Variants in TMEM74 observed in about 807,000 individuals in gnomAD.
TMEM74 encodes the protein transmembrane protein 74.
A neutral mutation model predicts 18.1 loss-of-function variants in TMEM74; 13 were observed. That is an observed-to-expected ratio of 0.72 (90% CI 0.47 to 1.14). The LOEUF is 1.14. Ranked by LOEUF, TMEM74 falls within the 50% of genes most tolerant of loss-of-function variation. TMEM74 has a pLI of 0.00. For missense variants in TMEM74, 372 were observed against 375.9 expected, an observed-to-expected ratio of 0.99 and a Z score of 0.09; for synonymous variants, 159 against 146.6, an observed-to-expected ratio of 1.08 and a Z score of -0.61.
intron 1 of TMEM74, among the ~76,000 whole-genome samples, chr8:108,749,710 G>C (rs1188856263): frequency 6.6e-6 from 1 of 152,046 alleles, no homozygotes; most frequent in Non-Finnish European, 1.5e-5. Context: ...GTGAGAGAGG[G>C]CAATCTTGTC....
chr8:108,728,119 T>C (rs1438437446), intron 1 of TMEM74, among the ~76,000 whole-genome samples: 2 of 152,168 alleles, frequency 1.3e-5, no homozygotes, highest in East Asian at 1.9e-4. Context: ...TGGAAATAAT[T>C]AGTATAGCAG....
At chr8:108,737,762 G>A (rs1447710264) in intron 1 of TMEM74, among the ~76,000 whole-genome samples, 2 of 152,070 alleles carry the variant, frequency 1.3e-5, no homozygotes, top group Non-Finnish European at 2.9e-5. Flanking sequence ...GGAATGTTTT[G>A]AATAGCATTT....
chr8:108,730,866 T>C (rs1813687499), intron 1 of TMEM74, among the ~76,000 whole-genome samples: 1 of 152,072 alleles, frequency 6.6e-6, no homozygotes, highest in Admixed American at 6.5e-5. Flanking sequence ...CTCTTGACCT[T>C]GTGATCCGCC....
rs552323795 is a variant in TMEM74, at chr8:108,659,267, A to G, written n.120-3830T>C. On this transcript the variant is annotated intron_variant and non_coding_transcript_variant, in intron 1 of 3. Coordinates refer to the TMEM74 transcript ENST00000518838. The stretch of plus-strand genomic sequence containing the variant: ...AGATAGCCCACTAACACACACACAC[A>G]TACAGACACACATATGCACTGGACA... Among the ~76,000 whole-genome samples, 13 of 152,208 alleles carry G rather than the reference A, an allele frequency of 8.5e-5. No individual in the cohort carries two copies. The South Asian group carries it at 2.7e-3, about 32-fold the overall frequency.
intron 1 of TMEM74, among the ~76,000 whole-genome samples, chr8:108,765,587 T>G (rs1814097544): frequency 1.3e-5 from 2 of 151,712 alleles, no homozygotes; most frequent in Non-Finnish European, 2.9e-5. Context: ...TTTTGTATGT[T>G]TAGTAGAGAT....
At chr8:108,608,303 A>C (rs1319511630) in intron 3 of TMEM74, among the ~76,000 whole-genome samples, 1 of 127,138 alleles carries the variant, frequency 7.9e-6, no homozygotes, top group Non-Finnish European at 1.7e-5. Flanking sequence ...TCTGTCAAAA[A>C]AAAAAAAAAA....
At chr8:108,680,849 A>T (rs1813106423) in intron 1 of TMEM74, among the ~76,000 whole-genome samples, 1 of 152,184 alleles carries the variant, frequency 6.6e-6, no homozygotes, top group Non-Finnish European at 1.5e-5. Flanking sequence ...TGCAAAAATC[A>T]CAAGCATTCT....
At chr8:108,785,446 G>T (rs765056991) in intron 1 of TMEM74, among the ~76,000 whole-genome samples, 2 of 152,148 alleles carry the variant, frequency 1.3e-5, no homozygotes, top group Non-Finnish European at 2.9e-5. Flanking sequence ...AAGGACTCGC[G>T]CATTCCTGCA....
intron 1 of TMEM74, among the ~76,000 whole-genome samples, chr8:108,741,408 A>G (rs1208612947): frequency 6.6e-6 from 1 of 152,184 alleles, no homozygotes; most frequent in Non-Finnish European, 1.5e-5. Flanking sequence ...AAATTAATAA[A>G]CTTTATGTAC....
chr8:108,744,822 T>A (rs908591792), intron 1 of TMEM74, among the ~76,000 whole-genome samples: 1 of 152,174 alleles, frequency 6.6e-6, no homozygotes, highest in Admixed American at 6.5e-5. Flanking sequence ...TTATGAGTGA[T>A]CTGTGGAGGA....
At chr8:108,769,197 TTGTGCC>T (rs1275098626) in intron 1 of TMEM74, among the ~76,000 whole-genome samples, 1 of 150,948 alleles carries the variant, frequency 6.6e-6, no homozygotes, top group Non-Finnish European at 1.5e-5. Flanking sequence ...ATGGTGTGTG[TTGTGCC>T]TGTATTCCCA....
intron 1 of TMEM74, among the ~76,000 whole-genome samples, chr8:108,661,835 G>A (rs930999936): frequency 2.6e-5 from 4 of 152,116 alleles, no homozygotes; most frequent in African/African-American, 9.7e-5. Flanking sequence ...CGTTAGACAA[G>A]CTGGAAAGGA....
At position 108,703,637 on chromosome 8, in the gene TMEM74, C is replaced by A. The variant is rs551179581; in HGVS notation, n.120-48200G>T. ...AGATTTGCCTGTTTCATACTTATGCCTGTGGCTAGCCCTGAGGCCTTATTA... is the reference window on the plus strand; with the variant it reads ...AGATTTGCCTGTTTCATACTTATGCATGTGGCTAGCCCTGAGGCCTTATTA... On this transcript the variant is annotated intron_variant and non_coding_transcript_variant, in intron 1 of 3. Coordinates refer to the TMEM74 transcript ENST00000518838. Among the ~76,000 whole-genome samples, 44 of 152,296 alleles carry A rather than the reference C, an allele frequency of 2.9e-4. 2 individuals are homozygous for A. Among genetic ancestry groups the A allele is most frequent in the Admixed American group, 2.7e-3 (41 of 15,300 alleles).
intron 2 of TMEM74, among the ~76,000 whole-genome samples, chr8:108,646,289 C>T (rs1812717194): frequency 1.3e-5 from 2 of 152,030 alleles, no homozygotes; most frequent in Non-Finnish European, 2.9e-5. Flanking sequence ...GTTTAGGAAT[C>T]ACCTGCTTAG....
At chr8:108,679,094 T>G (rs1415045813) in intron 1 of TMEM74, among the ~76,000 whole-genome samples, 1 of 152,150 alleles carries the variant, frequency 6.6e-6, no homozygotes, top group Non-Finnish European at 1.5e-5. Context: ...TTTTTATGGC[T>G]GCATAGTATT....
intron 1 of TMEM74, among the ~76,000 whole-genome samples, chr8:108,717,388 A>G (rs1813536453): frequency 6.6e-6 from 1 of 152,180 alleles, no homozygotes. Context: ...TTTATTCAGA[A>G]AACAGTAATT....
At chr8:108,628,997 G>T (rs1812523745) in intron 2 of TMEM74, among the ~76,000 whole-genome samples, 1 of 151,628 alleles carries the variant, frequency 6.6e-6, no homozygotes, top group African/African-American at 2.4e-5. Context: ...TTTTTTTCTT[G>T]TAAGTTTGTT....
At chr8:108,754,352 A>G (rs1395037754) in intron 1 of TMEM74, among the ~76,000 whole-genome samples, 3 of 152,212 alleles carry the variant, frequency 2.0e-5, no homozygotes, top group Admixed American at 2.0e-4. Flanking sequence ...TTTTACATTT[A>G]CCTATATGGT....
In TMEM74 at chr8:108,725,305, TTC is replaced by T. The variant is rs377387185; in HGVS notation, n.119+62169_119+62170del. On this transcript the variant is annotated intron_variant and non_coding_transcript_variant, in intron 1 of 3. Transcript: ENST00000518838. ...TCTTGCTATTTGTTTATCTTTGTGT[TTC>T]TCTCCACTGAAAGTTATAATTCCTA... 1.5e-4 allele frequency among the ~76,000 whole-genome samples: 23 copies of T among 152,324 alleles called. 1 individual carries two copies. The East Asian group carries it at 3.5e-3, about 23-fold the overall frequency.
Sources: gnomAD v4.1 joint callset for allele counts (sites outside exome capture counted in the v4.1 genomes callset) on GRCh38, gnomAD v4.1.1 for gene constraint, MANE v1.5 for transcripts, NCBI Gene and HGNC (gene_info 2026-07-23, HGNC 2026-07-21) for gene names.